PLXNA4: variants seen among roughly 807,000 people sequenced by gnomAD.
PLXNA4 encodes the protein plexin-A4.
In PLXNA4, 44 loss-of-function variants were observed where a neutral mutation model predicts 191.8. The observed-to-expected ratio is 0.23, with a 90% CI of 0.18 to 0.29. PLXNA4 has a LOEUF of 0.29. Among genes scored for constraint, PLXNA4 ranks in the 10% least tolerant of loss-of-function variants. The pLI is 1.00. For synonymous variants in PLXNA4, 1,082 were observed against 1,009.5 expected, an observed-to-expected ratio of 1.07 and a Z score of -1.36; for missense variants, 1,800 against 2,488.8, an observed-to-expected ratio of 0.72 and a Z score of 5.89.
chr7:132,438,618 C>G (rs1251570469), intron 3 of PLXNA4, among the ~76,000 whole-genome samples: 1 of 152,166 alleles, frequency 6.6e-6, no homozygotes, highest in Non-Finnish European at 1.5e-5. Context: ...CATTGTAAAG[C>G]AAGGACTTTG....
intron 3 of PLXNA4, among the ~76,000 whole-genome samples, chr7:132,464,175 G>A (rs978956647): frequency 2.6e-5 from 4 of 152,190 alleles, no homozygotes; most frequent in African/African-American, 4.8e-5. Flanking sequence ...GCTGAGATGC[G>A]AAAAATAACA....
chr7:132,234,055 G>A (rs1046459647), intron 5 of PLXNA4, among the ~76,000 whole-genome samples: 1 of 152,154 alleles, frequency 6.6e-6, no homozygotes, highest in African/African-American at 2.4e-5. Flanking sequence ...GGTTAGGAAA[G>A]AACAGGTGTG....
chr7:132,224,595 T>C, intron 8 of PLXNA4, among the ~76,000 whole-genome samples: 1 of 152,184 alleles, frequency 6.6e-6, no homozygotes, highest in Non-Finnish European at 1.5e-5. Flanking sequence ...ACATGGGAGA[T>C]GCTTAAAATC....
intron 4 of PLXNA4, among the ~76,000 whole-genome samples, chr7:132,297,746 G>T (rs1267588412): frequency 6.6e-6 from 1 of 152,072 alleles, no homozygotes; most frequent in Non-Finnish European, 1.5e-5. Flanking sequence ...TTTGGTATGA[G>T]GTAGCATTTT....
chr7:132,332,480 A>G (rs1802627304), intron 3 of PLXNA4, among the ~76,000 whole-genome samples: 1 of 152,162 alleles, frequency 6.6e-6, no homozygotes. Context: ...GGCGGGAATC[A>G]TCTATGGGAA....
rs1321284122 is a variant in PLXNA4 at position 132,159,614 on chromosome 7, G to T, written c.4519C>A (p.Pro1507Thr). The change falls in exon 25 of 32, where the codon CCA (proline) becomes ACA (threonine). Residue 1507 changes from proline to threonine, a missense_variant. Physicochemically the swap from Pro to Thr is conservative, Grantham distance 38. This residue lies in a region of PLXNA4 where 214 missense variants were observed against 298.2 expected (regional missense o/e 0.72). Transcript: ENST00000321063. ...ACCTCGGGGCTGTTGGCATTGTCTG[G>T]GCTGACACAGCTCAGGACCTGAAGG... Reference protein sequence around the residue: ...YKTLVLSCVSPDNANSPEVPV... With the variant: ...YKTLVLSCVSTDNANSPEVPV... 1.2e-6 allele frequency: 2 copies of T among 1,614,032 alleles called. No homozygotes were observed. Among genetic ancestry groups the T allele is most frequent in the South Asian group, 2.2e-5 (2 of 91,060 alleles).
At chr7:132,381,849 C>A in intron 3 of PLXNA4, among the ~76,000 whole-genome samples, 1 of 152,206 alleles carries the variant, frequency 6.6e-6, no homozygotes, top group South Asian at 2.1e-4. Context: ...TGGTGGGCAT[C>A]CCCTGCAGCC....
At chr7:132,188,406 C>A (rs1267303378) in intron 14 of PLXNA4, among the ~76,000 whole-genome samples, 1 of 152,188 alleles carries the variant, frequency 6.6e-6, no homozygotes, top group Admixed American at 6.5e-5. Flanking sequence ...ATGAAGATTT[C>A]TCTCTCCCTT....
At chr7:132,374,065 C>G (rs924793160) in intron 3 of PLXNA4, among the ~76,000 whole-genome samples, 1 of 152,174 alleles carries the variant, frequency 6.6e-6, no homozygotes, top group African/African-American at 2.4e-5. Context: ...AGAGAGTAAT[C>G]ATGAGCCATT....
chr7:132,254,060 T>C (rs987279286), intron 4 of PLXNA4, among the ~76,000 whole-genome samples: 3 of 152,168 alleles, frequency 2.0e-5, no homozygotes, highest in Admixed American at 6.5e-5. Context: ...GTGTTCAACA[T>C]AAATTGATCT....
At chr7:132,230,072 C>A (rs902525089) in intron 5 of PLXNA4, among the ~76,000 whole-genome samples, 1 of 152,026 alleles carries the variant, frequency 6.6e-6, no homozygotes, top group East Asian at 1.9e-4. Flanking sequence ...ATGTGCAATG[C>A]GAAAGTAAAA....
Position 132,225,695 on chromosome 7 carries a change from G to A in PLXNA4, c.1982+466C>T, listed in dbSNP as rs149960859. ...CAGCCTGGGCAGCCTGTGGGGAGCTGAGCATGCAATTGAGTGGTTAGACCA... is the reference window on the plus strand; with the variant it reads ...CAGCCTGGGCAGCCTGTGGGGAGCTAAGCATGCAATTGAGTGGTTAGACCA... On this transcript the variant is annotated intron_variant, in intron 8 of 31. Coordinates refer to ENST00000321063, the MANE Select transcript of PLXNA4 (RefSeq NM_020911.2). Among the ~76,000 whole-genome samples the A allele has an allele frequency of 2.6e-3, 394 of 152,208 alleles. 1 individual carries two copies. Among genetic ancestry groups the A allele is most frequent in the African/African-American group, 9.1e-3 (376 of 41,520 alleles).
intron 14 of PLXNA4, among the ~76,000 whole-genome samples, chr7:132,193,109 T>C (rs938133929): frequency 6.6e-6 from 1 of 152,220 alleles, no homozygotes; most frequent in Non-Finnish European, 1.5e-5. Flanking sequence ...TAATCCCCAA[T>C]TTAACAGTGT....
intron 1 of PLXNA4, among the ~76,000 whole-genome samples, chr7:132,526,832 A>G (rs1052645374): frequency 2.6e-5 from 4 of 152,186 alleles, no homozygotes; most frequent in African/African-American, 9.7e-5. Flanking sequence ...TCTTTGGTGC[A>G]TAGTCTTCAT....
intron 3 of PLXNA4, among the ~76,000 whole-genome samples, chr7:132,358,994 A>C (rs1417538689): frequency 6.6e-6 from 1 of 152,112 alleles, no homozygotes; most frequent in Non-Finnish European, 1.5e-5. Flanking sequence ...AAGAAAAAGC[A>C]CCAGAATCAG....
At position 132,257,183 on chromosome 7, in the gene PLXNA4, G is replaced by A. The variant is rs576540276; in HGVS notation, c.1504-16017C>T. ...CACTCCAGTCCCCTCTCTTGCAGGG[G>A]CCAGGTGGCTGTAACTCTCTCGTGA... On this transcript the variant is annotated intron_variant, in intron 4 of 31. Coordinates refer to ENST00000321063, the MANE Select transcript of PLXNA4 (RefSeq NM_020911.2). Among the ~76,000 whole-genome samples, 27 of 152,342 alleles carry A rather than the reference G, an allele frequency of 1.8e-4. No individual in the cohort carries two copies. The East Asian group carries it at 4.4e-3, about 25-fold the overall frequency.
At chr7:132,413,455 C>G (rs758341992) in intron 3 of PLXNA4, among the ~76,000 whole-genome samples, 1 of 152,182 alleles carries the variant, frequency 6.6e-6, no homozygotes, top group African/African-American at 2.4e-5. Context: ...GCTGCTTTTT[C>G]CAACATGTGA....
intron 3 of PLXNA4, among the ~76,000 whole-genome samples, chr7:132,444,222 C>T (rs1795805629): frequency 1.3e-5 from 2 of 152,374 alleles, no homozygotes; most frequent in South Asian, 4.1e-4. Flanking sequence ...TAATGATGCC[C>T]TTTGGCTCAG....
intron 3 of PLXNA4, among the ~76,000 whole-genome samples, chr7:132,454,295 T>C (rs1389776122): frequency 6.6e-6 from 1 of 152,200 alleles, no homozygotes; most frequent in Non-Finnish European, 1.5e-5. Flanking sequence ...AAGCCTCATC[T>C]CAAAGTTCTT....
Sources: gnomAD v4.1 joint callset for allele counts (sites outside exome capture counted in the v4.1 genomes callset) on GRCh38, gnomAD v4.1.1 for gene constraint, gnomAD v4.1.1 regional missense constraint, MANE v1.5 for transcripts, NCBI Gene and HGNC (gene_info 2026-07-23, HGNC 2026-07-21) for gene names.